The following ADAMTSL3 variants were observed in gnomAD, a reference collection of about 807,000 sequenced individuals.
ADAMTSL3 encodes the protein ADAMTS-like protein 3.
ADAMTSL3 carries 128 observed loss-of-function variants against 201.7 expected under a neutral mutation model. That is an observed-to-expected ratio of 0.63 (90% CI 0.55 to 0.73). The LOEUF (loss-of-function observed/expected upper bound fraction) is 0.73. Among genes scored for constraint, ADAMTSL3 ranks in the 30% least tolerant of loss-of-function variants. The pLI is 0.00. For missense variants in ADAMTSL3, 1,990 were observed against 2,119.6 expected (o/e 0.94, Z 1.20); for synonymous variants, 738 against 748.4 (o/e 0.99, Z 0.23).
At chr15:83,942,335 T>C (rs1161855010) in intron 17 of ADAMTSL3, among the ~76,000 whole-genome samples, 1 of 152,204 alleles carries the variant, frequency 6.6e-6, no homozygotes, top group Non-Finnish European at 1.5e-5. Context: ...TAGGACAGGA[T>C]GGGAACAGAT....
At chr15:83,802,317 A>G (rs1466631783) in intron 4 of ADAMTSL3, among the ~76,000 whole-genome samples, 1 of 152,190 alleles carries the variant, frequency 6.6e-6, no homozygotes, top group African/African-American at 2.4e-5. Context: ...AATAATTTTT[A>G]TATTATATAA....
intron 3 of ADAMTSL3, among the ~76,000 whole-genome samples, chr15:83,718,510 C>T (rs1007591684): frequency 6.6e-6 from 1 of 151,880 alleles, no homozygotes; most frequent in African/African-American, 2.4e-5. Flanking sequence ...TTGAGACCAG[C>T]CTGGCCAAAA....
In ADAMTSL3 at chr15:83,739,040, CAAAGGA is replaced by C. The variant is rs1048180353; in HGVS notation, c.190-34479_190-34474del. Reference sequence around the variant, plus strand: ...CAAGAAACCAGACAAAAAATGTGGTCAAAGGAAAACAAAATAAAATAGCAGAAAAAT... The same window carrying C: ...CAAGAAACCAGACAAAAAATGTGGTCAAACAAAATAAAATAGCAGAAAAAT... On this transcript the variant is annotated intron_variant, in intron 3 of 29. Coordinates refer to ENST00000286744, the MANE Select transcript of ADAMTSL3 (RefSeq NM_207517.3). Among the ~76,000 whole-genome samples the C allele has an allele frequency of 6.2e-4, 94 of 151,016 alleles. 1 individual carries two copies. The highest frequency in any genetic ancestry group is 2.2e-3 in the African/African-American group (91 of 41,140).
intron 4 of ADAMTSL3, among the ~76,000 whole-genome samples, chr15:83,801,823 TCAG>T (rs2063529935): frequency 6.7e-6 from 1 of 150,012 alleles, no homozygotes; most frequent in Non-Finnish European, 1.5e-5. Context: ...CTGAAAATAA[TCAG>T]CAGCATTGTA....
chr15:83,795,869 G>T (rs1471807520), intron 4 of ADAMTSL3, among the ~76,000 whole-genome samples: 1 of 152,094 alleles, frequency 6.6e-6, no homozygotes, highest in African/African-American at 2.4e-5. Context: ...CCTGTCGATA[G>T]AGCCCTGCTA....
chr15:83,888,949 G>A (rs1308647696), intron 10 of ADAMTSL3, among the ~76,000 whole-genome samples: 2 of 152,156 alleles, frequency 1.3e-5, no homozygotes, highest in Non-Finnish European at 2.9e-5. Flanking sequence ...GAGGCAGAGT[G>A]CTTGGCTTTG....
intron 8 of ADAMTSL3, among the ~76,000 whole-genome samples, chr15:83,865,049 C>T (rs896373564): frequency 6.6e-6 from 1 of 152,128 alleles, no homozygotes; most frequent in African/African-American, 2.4e-5. Context: ...AGGAATCCAA[C>T]TTACAAGGGA....
At chr15:83,824,581 T>C (rs75970867) in intron 6 of ADAMTSL3, among the ~76,000 whole-genome samples, 17,806 of 152,224 alleles carry the variant, frequency 0.12, 1,218 homozygotes, top group South Asian at 0.24. Context: ...TCCACTATTA[T>C]AGTATAATGC....
intron 3 of ADAMTSL3, among the ~76,000 whole-genome samples, chr15:83,708,300 G>T (rs2061881436): frequency 6.6e-6 from 1 of 152,222 alleles, no homozygotes; most frequent in Admixed American, 6.5e-5. Flanking sequence ...GTAGATATTT[G>T]CTGTCTTGGA....
At chr15:83,745,441 T>A (rs2062529640) in intron 3 of ADAMTSL3, among the ~76,000 whole-genome samples, 1 of 152,148 alleles carries the variant, frequency 6.6e-6, no homozygotes, top group Non-Finnish European at 1.5e-5. Context: ...CTGGCAAAGC[T>A]AAAAGAGCAC....
chr15:83,858,598 C>T (rs2064790416), intron 7 of ADAMTSL3, among the ~76,000 whole-genome samples, 168 bp from the exon 8 acceptor site: 1 of 152,174 alleles, frequency 6.6e-6, no homozygotes, highest in South Asian at 2.1e-4. Context: ...GTCTCGAACT[C>T]CTGACCTCAA....
chr15:84,031,217 G>A, intron 27 of ADAMTSL3, 118 bp from the exon 28 acceptor site: 4 of 963,836 alleles, frequency 4.2e-6, no homozygotes, highest in South Asian at 1.5e-5. Context: ...CCTGGGGACA[G>A]TTGGTTACAG....
At chr15:83,926,756 C>T (rs1278666831) in intron 17 of ADAMTSL3, among the ~76,000 whole-genome samples, 1 of 151,964 alleles carries the variant, frequency 6.6e-6, no homozygotes, top group Non-Finnish European at 1.5e-5. Context: ...GCTGGGGTCA[C>T]AGGTGCCTGC....
At chr15:83,729,435 G>A (rs532726612) in intron 3 of ADAMTSL3, among the ~76,000 whole-genome samples, 9 of 144,364 alleles carry the variant, frequency 6.2e-5, no homozygotes, top group East Asian at 2.0e-4. Context: ...GGCATATGTC[G>A]TTATTTTTTA....
intron 9 of ADAMTSL3, among the ~76,000 whole-genome samples, chr15:83,880,718 C>T (rs779446852): frequency 1.8e-4 from 27 of 152,206 alleles, no homozygotes; most frequent in Middle Eastern, 3.4e-3. Flanking sequence ...AAACAGAGCC[C>T]GAGGCAAAGT....
intron 19 of ADAMTSL3, among the ~76,000 whole-genome samples, chr15:83,963,366 C>T (rs1364164094): frequency 6.6e-6 from 1 of 152,114 alleles, no homozygotes; most frequent in Non-Finnish European, 1.5e-5. Flanking sequence ...GCAGCTTACC[C>T]CTCACAGTGT....
At chr15:83,910,846 G>A (rs2141953926) in intron 15 of ADAMTSL3, among the ~76,000 whole-genome samples, 1 of 150,238 alleles carries the variant, frequency 6.7e-6, no homozygotes, top group Admixed American at 6.6e-5. Context: ...CGCCATGTTG[G>A]CCAGGCTAGT....
chr15:83,985,209 TA>T (rs561555152), intron 21 of ADAMTSL3, among the ~76,000 whole-genome samples: 2 of 151,968 alleles, frequency 1.3e-5, no homozygotes, highest in African/African-American at 2.4e-5. Context: ...AATACACATT[TA>T]AAAAAATCAC....
chr15:83,743,879 A>G (rs2062499013), intron 3 of ADAMTSL3, among the ~76,000 whole-genome samples: 2 of 151,776 alleles, frequency 1.3e-5, no homozygotes, highest in African/African-American at 4.8e-5. Context: ...TTTTTTTGAT[A>G]TGGCGTCTGT....
Sources: gnomAD v4.1 joint callset for allele counts (sites outside exome capture counted in the v4.1 genomes callset) on GRCh38, gnomAD v4.1.1 for gene constraint, MANE v1.5 for transcripts, NCBI Gene and HGNC (gene_info 2026-07-23, HGNC 2026-07-21) for gene names.